Variants in ZMAT4 observed in about 807,000 individuals in gnomAD.
ZMAT4 encodes zinc finger matrin-type protein 4.
In ZMAT4, 17 loss-of-function variants were observed where a neutral mutation model predicts 28.7. The ratio of observed to expected loss-of-function variants is 0.59; its 90% CI spans 0.41 to 0.89. The LOEUF (loss-of-function observed/expected upper bound fraction) is 0.89. Among genes scored for constraint, ZMAT4 ranks in the 40% least tolerant of loss-of-function variants. The pLI is 0.00. For missense variants in ZMAT4, 240 were observed against 283.8 expected (o/e 0.85, Z 1.11); for synonymous variants, 117 against 109.2 (o/e 1.07, Z -0.44).
intron 5 of ZMAT4, among the ~76,000 whole-genome samples, chr8:40,594,464 G>C (rs1461373123): frequency 6.6e-6 from 1 of 152,152 alleles, no homozygotes; most frequent in East Asian, 1.9e-4. Flanking sequence ...TTCATTGAGA[G>C]GAGCTCCCTA....
In ZMAT4 at chr8:40,675,958, C is replaced by T. The variant is rs10504035; in HGVS notation, c.350-1027G>A. Among the ~76,000 whole-genome samples, 765 of 152,232 alleles carry T rather than the reference C, an allele frequency of 5.0e-3. 6 individuals are homozygous for T. Among genetic ancestry groups the T allele is most frequent in the African/African-American group, 0.017 (723 of 41,552 alleles). ...TTAAATTAACACATTTTACTGTGAG[C>T]TTAGGATTATTTCTGGTCCAGAAAA... On this transcript the variant is annotated intron_variant, in intron 4 of 6. Transcript: ENST00000297737.
At chr8:40,588,469 A>C (rs1804744276) in intron 5 of ZMAT4, among the ~76,000 whole-genome samples, 1 of 152,166 alleles carries the variant, frequency 6.6e-6, no homozygotes, top group Non-Finnish European at 1.5e-5. Flanking sequence ...AAAATAATTT[A>C]TTACATGTAT....
chr8:40,551,060 T>G (rs1803355711), intron 6 of ZMAT4, among the ~76,000 whole-genome samples: 1 of 152,208 alleles, frequency 6.6e-6, no homozygotes, highest in South Asian at 2.1e-4. Flanking sequence ...TTTATTATAG[T>G]GATGTTGTCT....
chr8:40,590,387 G>A (rs1804849187), intron 5 of ZMAT4, among the ~76,000 whole-genome samples: 1 of 151,540 alleles, frequency 6.6e-6, no homozygotes, highest in Non-Finnish European at 1.5e-5. Context: ...TTCTGCTTGT[G>A]TGGGTCCCTA....
At chr8:40,682,427 G>A (rs1220008185) in intron 4 of ZMAT4, among the ~76,000 whole-genome samples, 1 of 152,182 alleles carries the variant, frequency 6.6e-6, no homozygotes, top group Admixed American at 6.5e-5. Context: ...GAGAAAAGCA[G>A]TTGTCCCACT....
chr8:40,728,058 G>A (rs534083869), intron 3 of ZMAT4, among the ~76,000 whole-genome samples: 3 of 152,258 alleles, frequency 2.0e-5, no homozygotes, highest in Admixed American at 1.3e-4. Context: ...ATGCAGAAAC[G>A]CAAATCATAT....
chr8:40,667,687 C>T (rs1808480192), intron 5 of ZMAT4, among the ~76,000 whole-genome samples: 2 of 151,990 alleles, frequency 1.3e-5, no homozygotes, highest in Admixed American at 1.3e-4. Flanking sequence ...AAGTGTAACT[C>T]GTGATGCTGG....
intron 1 of ZMAT4, among the ~76,000 whole-genome samples, chr8:40,861,248 C>T (rs529402501): frequency 1.5e-4 from 23 of 152,264 alleles, no homozygotes; most frequent in African/African-American, 5.3e-4. Context: ...ACTGAGAAAA[C>T]TCTCCTGAAA....
At chr8:40,738,314 G>A (rs1180852747) in intron 3 of ZMAT4, among the ~76,000 whole-genome samples, 6 of 152,080 alleles carry the variant, frequency 3.9e-5, no homozygotes, top group Admixed American at 2.0e-4. Flanking sequence ...CTGGAGACAC[G>A]CCTTGAACAA....
chr8:40,836,462 T>C (rs1459505696), intron 1 of ZMAT4, among the ~76,000 whole-genome samples: 1 of 152,188 alleles, frequency 6.6e-6, no homozygotes, highest in East Asian at 1.9e-4. Context: ...GAGATGATGA[T>C]AGTAGCATTG....
At chr8:40,713,129 C>T (rs1810698908) in intron 3 of ZMAT4, among the ~76,000 whole-genome samples, 3 of 152,028 alleles carry the variant, frequency 2.0e-5, no homozygotes, top group East Asian at 1.9e-4. Context: ...GTTAATAAAA[C>T]AGTCAGAGCC....
At chr8:40,605,792 G>T (rs931232736) in intron 5 of ZMAT4, among the ~76,000 whole-genome samples, 1 of 152,008 alleles carries the variant, frequency 6.6e-6, no homozygotes, top group Non-Finnish European at 1.5e-5. Context: ...TTGTGTTGCT[G>T]TCTATCTCAT....
At chr8:40,837,068 C>T (rs559484657) in intron 1 of ZMAT4, among the ~76,000 whole-genome samples, 38 of 152,294 alleles carry the variant, frequency 2.5e-4, no homozygotes, top group African/African-American at 8.7e-4. Flanking sequence ...ATCTTCCACA[C>T]CCTCTGCAAT....
intron 1 of ZMAT4, among the ~76,000 whole-genome samples, chr8:40,857,506 A>T (rs984514745): frequency 2.6e-5 from 4 of 152,246 alleles, no homozygotes; most frequent in Admixed American, 1.3e-4. Flanking sequence ...GATTGCAATT[A>T]AAAAGGCTGA....
At chr8:40,537,155 A>T (rs965243275) in intron 6 of ZMAT4, among the ~76,000 whole-genome samples, 1 of 152,156 alleles carries the variant, frequency 6.6e-6, no homozygotes, top group African/African-American at 2.4e-5. Flanking sequence ...ATGAAGAGAG[A>T]TCATTAAGAT....
chr8:40,661,332 C>A (rs768041448), intron 5 of ZMAT4, among the ~76,000 whole-genome samples: 2 of 152,146 alleles, frequency 1.3e-5, no homozygotes, highest in East Asian at 1.9e-4. Context: ...ACTCTTGACC[C>A]CAGGCAATCC....
intron 5 of ZMAT4, among the ~76,000 whole-genome samples, chr8:40,666,191 G>A (rs1424702568): frequency 6.6e-6 from 1 of 152,056 alleles, no homozygotes; most frequent in East Asian, 1.9e-4. Context: ...AATCTATAAA[G>A]AAAACCTCTA....
At chr8:40,764,750 G>T (rs1276866257) in intron 3 of ZMAT4, among the ~76,000 whole-genome samples, 1 of 152,146 alleles carries the variant, frequency 6.6e-6, no homozygotes, top group African/African-American at 2.4e-5. Context: ...AATACATGCA[G>T]AAAGTGCTTT....
At chr8:40,893,565 C>T (rs576006659) in intron 1 of ZMAT4, among the ~76,000 whole-genome samples, 12 of 152,194 alleles carry the variant, frequency 7.9e-5, no homozygotes, top group Non-Finnish European at 8.8e-5. Context: ...AAGCGAAGGC[C>T]GCCGTTTCCC....
Sources: gnomAD v4.1 joint callset for allele counts (sites outside exome capture counted in the v4.1 genomes callset) on GRCh38, gnomAD v4.1.1 for gene constraint, MANE v1.5 for transcripts, NCBI Gene and HGNC (gene_info 2026-07-23, HGNC 2026-07-21) for gene names.